ZNF286A: variants seen among roughly 807,000 people sequenced by gnomAD.
The protein encoded by ZNF286A is zinc finger protein ZNF286.
In ZNF286A, 34 loss-of-function variants were observed where a neutral mutation model predicts 49.3. That is an observed-to-expected ratio of 0.69 (90% CI 0.52 to 0.92). ZNF286A has a LOEUF of 0.92. Among genes scored for constraint, ZNF286A ranks in the 40% least tolerant of loss-of-function variants. The pLI is 0.00. For missense variants in ZNF286A, 462 were observed against 600.2 expected (o/e 0.77, Z 2.41); for synonymous variants, 155 against 200.4 (o/e 0.77, Z 1.91).
At chr17:15,709,230 C>A (rs1235918736) in intron 5 of ZNF286A, among the ~76,000 whole-genome samples, 1 of 149,486 alleles carries the variant, frequency 6.7e-6, no homozygotes, top group Non-Finnish European at 1.5e-5. Context: ...TGACTCACGC[C>A]TGTAATCCCA....
In ZNF286A at chr17:15,708,168, C is replaced by T. The variant is rs755495563; in HGVS notation, c.255C>T (p.Ser85=). Residue 85 remains serine, a synonymous_variant, in exon 5 of 6, where the codon TCC becomes TCT. Coordinates refer to ENST00000583566, the MANE Select transcript of ZNF286A (RefSeq NM_001130842.2). ...RNLVSLWLPV[S]KPESYNLENG... is the part of the protein sequence containing the mutation. ...TTAAATGAATAGGGCTTCCAGTTTC[C>T]AAACCTGAGAGCTACAACTTGGAGA... is the stretch of plus-strand genomic sequence containing the variant. 8 of 1,581,718 alleles carry T rather than the reference C, an allele frequency of 5.1e-6. No individual in the cohort carries two copies. The Admixed American group carries it at 9.1e-5, about 18-fold the overall frequency.
In ZNF286A at chr17:15,719,590, G is replaced by A. The variant is rs1386083433; in HGVS notation, c.*2300G>A. ...GAAGGGGAGAGCTCTGGTATCTTCA[G>A]CCCCTTATAAGGGCACTAATCCCAT... is the stretch of plus-strand genomic sequence containing the variant. On this transcript the variant is annotated 3_prime_UTR_variant, in exon 6 of 6. Transcript: ENST00000583566. 6.6e-6 allele frequency: 1 copy of A among 152,016 alleles called. No homozygotes were observed. The highest frequency in any genetic ancestry group is 1.9e-4 in the East Asian group (1 of 5,180). The allele number at this position is 152,016 out of a possible 1,614,324, so 9.4% of individuals were successfully genotyped here. A position where few individuals can be genotyped will look rare whatever the true frequency, so the allele number is the denominator to read the frequency against.
intron 5 of ZNF286A, 87 bp downstream of exon 5, chr17:15,708,334 G>A: frequency 9.6e-7 from 1 of 1,039,640 alleles, no homozygotes; most frequent in South Asian, 2.7e-5. Context: ...AAGTGCCTGT[G>A]TGCCCTTATT....
In ZNF286A at chr17:15,716,392, G is replaced by A. The variant is rs1439300695; in HGVS notation, c.668G>A (p.Ser223Asn). ...TATGCCTTCCATACACTTGAAAAAAGCTTGAAACAAAAATCAAACTTAATG... is the reference window on the plus strand; with the variant it reads ...TATGCCTTCCATACACTTGAAAAAAACTTGAAACAAAAATCAAACTTAATG... ...GSYAFHTLEK[S>N]LKQKSNLMKK... The change falls in exon 6 of 6, where the codon AGC becomes AAC. Residue 223 changes from serine to asparagine, a missense_variant. Physicochemically the swap from Ser to Asn is conservative, Grantham distance 46. Transcript: ENST00000583566. 19 of 1,613,394 alleles carry A rather than the reference G, an allele frequency of 1.2e-5. No homozygotes were observed. The highest frequency in any genetic ancestry group is 6.7e-5 in the African/African-American group (5 of 74,896).
At position 15,704,907 on chromosome 17, in the gene ZNF286A, G is replaced by T. The variant is rs11550072; in HGVS notation, c.127-1480G>T. On this transcript the variant is annotated intron_variant, in intron 3 of 5. Transcript: ENST00000583566. ...TCTCCACGTTGGAGTTCATGGCTGC[G>T]GCCGGCCGGGGGCGGGTCCCCCCGG... The T allele has an allele frequency of 2.5e-6, 4 of 1,592,392 alleles. No homozygotes were observed. The African/African-American group carries it at 5.6e-5, about 22-fold the overall frequency.
intron 3 of ZNF286A, chr17:15,704,399 C>T (rs55992307): frequency 0.029 from 47,241 of 1,606,108 alleles, 864 homozygotes; most frequent in Middle Eastern, 0.051. Flanking sequence ...AGGGCCCGCC[C>T]GGCTTCGGCC....
intron 5 of ZNF286A, among the ~76,000 whole-genome samples, chr17:15,710,917 A>ATT (rs57532299): frequency 4.6e-4 from 67 of 144,938 alleles, no homozygotes; most frequent in African/African-American, 7.3e-4. Context: ...TACAAGTTTA[A>ATT]TTTTTTTTTT....
intron 3 of ZNF286A, chr17:15,704,414 C>T (rs1316843755): frequency 1.9e-6 from 3 of 1,606,434 alleles, no homozygotes; most frequent in Admixed American, 1.7e-5. Context: ...TCGGCCCTGC[C>T]GCTGGGCCCG....
chr17:15,704,512 T>C, intron 3 of ZNF286A: 1 of 1,614,060 alleles, frequency 6.2e-7, no homozygotes, highest in South Asian at 1.1e-5. Flanking sequence ...CGCCTCCTCG[T>C]TGAGTGCAGA....
intron 3 of ZNF286A, among the ~76,000 whole-genome samples, chr17:15,705,283 A>G (rs568827369): frequency 6.6e-6 from 1 of 152,290 alleles, no homozygotes; most frequent in East Asian, 1.9e-4. Flanking sequence ...ACATTGGCAT[A>G]ATACTATAAC....
chr17:15,709,307 T>A (rs1347394764), intron 5 of ZNF286A, among the ~76,000 whole-genome samples: 2 of 145,490 alleles, frequency 1.4e-5, no homozygotes, highest in African/African-American at 5.2e-5. Flanking sequence ...CTGGCCAACA[T>A]GGTGAAACCC....
In ZNF286A at chr17:15,706,439, G is replaced by A; in HGVS notation, c.179G>A (p.Gly60Glu). The A allele has an allele frequency of 6.2e-7, 1 of 1,613,798 alleles. No homozygotes were observed. Among genetic ancestry groups the A allele is most frequent in the East Asian group, 2.2e-5 (1 of 44,850 alleles). ...VAMDFTPEEW[G>E]KLDPAQRDVM... Reference sequence around the variant, plus strand: ...ATGGACTTTACACCAGAGGAGTGGGGGAAGCTGGATCCTGCACAAAGGGAT... The same window carrying A: ...ATGGACTTTACACCAGAGGAGTGGGAGAAGCTGGATCCTGCACAAAGGGAT... Residue 60 changes from glycine (G) to glutamate (E), a missense_variant, in exon 4 of 6, where the codon GGG (glycine) becomes GAG (glutamate). Physicochemically the swap from Gly to Glu is moderately conservative, Grantham distance 98. Transcript: ENST00000583566.
rs147828999 is a variant in ZNF286A, at chr17:15,704,508, C to T, written c.127-1879C>T. 3,000 of 1,614,046 alleles carry T rather than the reference C, an allele frequency of 1.9e-3. 42 individuals carry two copies. The African/African-American group carries it at 0.034, about 19-fold the overall frequency. ...TCTCCAAGAGCAGGCGGCCCGCCTC[C>T]TCGTTGAGTGCAGACTCGGGGTTAG... is the stretch of plus-strand genomic sequence containing the variant. On this transcript the variant is annotated intron_variant, in intron 3 of 5. Coordinates refer to ENST00000583566, the MANE Select transcript of ZNF286A (RefSeq NM_001130842.2).
At chr17:15,708,283 G>T in intron 5 of ZNF286A, 36 bp downstream of exon 5, 1 of 1,513,212 alleles carries the variant, frequency 6.6e-7, no homozygotes, top group Non-Finnish European at 8.9e-7. Context: ...ATAAATGATA[G>T]CCCAGCAGGA....
In ZNF286A at chr17:15,717,144, G is replaced by C; in HGVS notation, c.1420G>C (p.Ala474Pro). 2 of 1,613,370 alleles carry C rather than the reference G, an allele frequency of 1.2e-6. No homozygotes were observed. The highest frequency in any genetic ancestry group is 2.7e-5 in the African/African-American group (2 of 74,924). ...KPYKCSECGK[A>P]FIHSSALIQH... ...GTACAAATGTAGCGAGTGTGGAAAA[G>C]CCTTCATTCATTCATCAGCTCTCAT... Residue 474 changes from alanine (A) to proline (P), a missense_variant, in exon 6 of 6, where the codon GCC becomes CCC. Physicochemically the swap from Ala to Pro is conservative, Grantham distance 27 (BLOSUM62 -1). Coordinates refer to ENST00000583566, the MANE Select transcript of ZNF286A (RefSeq NM_001130842.2).
chr17:15,713,819 A>G (rs1966890174), intron 5 of ZNF286A, among the ~76,000 whole-genome samples: 1 of 151,864 alleles, frequency 6.6e-6, no homozygotes, highest in African/African-American at 2.4e-5. Context: ...CAAAACTTGT[A>G]ATTTCTGCCT....
chr17:15,720,413 G>A lies in ZNF286A; in HGVS notation c.*3123G>A, dbSNP rs1376787268. ...TTGTTCTGTGTCTTGTCATAAAGAT[G>A]GGACGTGACTTCTTTCTGCTCTTGC... On this transcript the variant is annotated 3_prime_UTR_variant, in exon 6 of 6. Coordinates refer to ENST00000583566, the MANE Select transcript of ZNF286A (RefSeq NM_001130842.2). 1 of 150,278 alleles carries A rather than the reference G, an allele frequency of 6.7e-6. No homozygotes were observed. Among genetic ancestry groups the A allele is most frequent in the African/African-American group, 2.5e-5 (1 of 40,630 alleles). 9.3% of individuals were successfully genotyped at this position (150,278 alleles called of 1,614,324 possible).
At position 15,711,214 on chromosome 17, in the gene ZNF286A, C is replaced by T. The variant is rs1990624304; in HGVS notation, c.334+2967C>T. 3 of 152,074 alleles carry T rather than the reference C, an allele frequency of 2.0e-5. No individual in the cohort carries two copies. In the South Asian group the frequency reaches 6.2e-4, roughly 32 times the overall value. 9.4% of individuals were successfully genotyped at this position (152,074 alleles called of 1,614,324 possible). A position where few individuals can be genotyped will look rare whatever the true frequency, so the allele number is the denominator to read the frequency against. ...GGCGTGAGCCACTGCGCCCGGCCCT[C>T]AAGTTTAATTTTTTATAATCTTTTT... On this transcript the variant is annotated intron_variant, in intron 5 of 5. Transcript: ENST00000583566.
intron 5 of ZNF286A, among the ~76,000 whole-genome samples, chr17:15,712,542 G>C (rs1392197537): frequency 4.6e-5 from 7 of 152,202 alleles, no homozygotes; most frequent in Non-Finnish European, 1.0e-4. Context: ...GGTACTTACT[G>C]TCATCAAATT....
Sources: gnomAD v4.1 joint callset for allele counts (sites outside exome capture counted in the v4.1 genomes callset) on GRCh38, gnomAD v4.1.1 for gene constraint, MANE v1.5 for transcripts, NCBI Gene and HGNC (gene_info 2026-07-23, HGNC 2026-07-21) for gene names.